Variants in CTNNA1 observed in about 807,000 individuals in gnomAD.
CTNNA1 encodes the protein catenin alpha-1.
Under a neutral mutation model 98.4 loss-of-function variants are expected in CTNNA1, and 37 were observed. The observed-to-expected ratio is 0.38, with a 90% CI of 0.29 to 0.49. The LOEUF is 0.49. Ranked by LOEUF, CTNNA1 falls within the 20% of genes least tolerant of loss-of-function variation. CTNNA1 has a pLI of 0.95. For synonymous variants in CTNNA1, 404 were observed against 413.2 expected, an observed-to-expected ratio of 0.98 and a Z score of 0.27; for missense variants, 761 against 1,147.2, an observed-to-expected ratio of 0.66 and a Z score of 4.86.
At chr5:138,817,217 C>G (rs1000767373) in intron 5 of CTNNA1, among the ~76,000 whole-genome samples, 1 of 152,150 alleles carries the variant, frequency 6.6e-6, no homozygotes, top group Admixed American at 6.5e-5. Context: ...ATATAACATT[C>G]CATTTTTTCC....
chr5:138,887,435 T>C, intron 8 of CTNNA1, 55 bp from the exon 9 acceptor site: 1 of 1,331,648 alleles, frequency 7.5e-7, no homozygotes, highest in South Asian at 1.4e-5. Context: ...AAAAGCAATC[T>C]ATTTAATACC....
chr5:138,757,552 C>G (rs1043029847), intron 1 of CTNNA1, among the ~76,000 whole-genome samples: 1 of 152,134 alleles, frequency 6.6e-6, no homozygotes, highest in African/African-American at 2.4e-5. Context: ...CCCAACATAA[C>G]CTTTCATGAT....
chr5:138,894,641 C>CTGATTA (rs111801577), intron 9 of CTNNA1, among the ~76,000 whole-genome samples: 6,142 of 150,854 alleles, frequency 0.041, 141 homozygotes, highest in Middle Eastern at 0.062. Context: ...TAGCAGCCTC[C>CTGATTA]TGATTATGAT....
intron 13 of CTNNA1, among the ~76,000 whole-genome samples, chr5:138,927,582 CT>C (rs2150313631): frequency 6.6e-6 from 1 of 151,908 alleles, no homozygotes; most frequent in Non-Finnish European, 1.5e-5. Flanking sequence ...GCACTGGTCA[CT>C]TTTGATGTGT....
At chr5:138,881,229 A>T in intron 7 of CTNNA1, 1 of 402,294 alleles carries the variant, frequency 2.5e-6, no homozygotes, top group South Asian at 1.8e-5. Context: ...GTAATTTAAG[A>T]AGAGGGCATT....
At chr5:138,866,327 TTTTG>T (rs922892756) in intron 7 of CTNNA1, among the ~76,000 whole-genome samples, 4 of 145,650 alleles carry the variant, frequency 2.7e-5, no homozygotes, top group African/African-American at 1.0e-4. Flanking sequence ...TATTTATTTA[TTTTG>T]GTACAAATAC....
Position 138,873,044 on chromosome 5 carries a change from C to T in CTNNA1, c.1063-13168C>T, listed in dbSNP as rs758462898. On this transcript the variant is annotated intron_variant, in intron 7 of 17. Transcript: ENST00000302763. This position sits in a 1 kb window ranked among gnomAD's most constrained non-coding sequence, Gnocchi z 6.1. ...ACATTCTTTGTATGGCAGCTGCTGA[C>T]ACTTGCACTGTCCATAACCATTAAT... 1 of 1,612,300 alleles carries T rather than the reference C, an allele frequency of 6.2e-7. No individual in the cohort carries two copies. The highest frequency in any genetic ancestry group is 8.5e-7 in the Non-Finnish European group (1 of 1,179,222).
chr5:138,778,158 T>TC (rs1169897590), intron 1 of CTNNA1, among the ~76,000 whole-genome samples: 1 of 80,962 alleles, frequency 1.2e-5, no homozygotes, highest in Non-Finnish European at 2.9e-5. Flanking sequence ...CACGCCCGGC[T>TC]AATTTTTTGG....
chr5:138,813,442 A>T (rs1281773121), intron 5 of CTNNA1, among the ~76,000 whole-genome samples: 2 of 152,186 alleles, frequency 1.3e-5, no homozygotes, highest in Admixed American at 1.3e-4. Flanking sequence ...AATAATCCAG[A>T]TCCACCTTCT....
At position 138,873,250 on chromosome 5, in the gene CTNNA1, A is replaced by C. The variant is rs754512980; in HGVS notation, c.1063-12962A>C. ...TCCTGGAGATGAACACTATAAAAAT[A>C]ATAAAAAAGAAAGAAAACAATAAAG... On this transcript the variant is annotated intron_variant, in intron 7 of 17. Coordinates refer to ENST00000302763, the MANE Select transcript of CTNNA1 (RefSeq NM_001903.5). This position sits in a 1 kb window ranked among gnomAD's most constrained non-coding sequence, Gnocchi z 6.1. 1.9e-5 allele frequency: 30 copies of C among 1,613,754 alleles called. No individual in the cohort carries two copies. Among genetic ancestry groups the C allele is most frequent in the Non-Finnish European group, 2.4e-5 (28 of 1,179,734 alleles).
chr5:138,784,877 CTCT>C (rs1281198555), intron 3 of CTNNA1, among the ~76,000 whole-genome samples: 4 of 151,982 alleles, frequency 2.6e-5, no homozygotes, highest in Non-Finnish European at 2.9e-5. Flanking sequence ...CCAAGTTTCC[CTCT>C]TCTTATAAGG....
At chr5:138,829,156 C>T (rs138358022) in intron 7 of CTNNA1, among the ~76,000 whole-genome samples, 134 of 151,862 alleles carry the variant, frequency 8.8e-4, no homozygotes, top group African/African-American at 3.2e-3. Flanking sequence ...AGGCAGTCTA[C>T]TTAAGAAAAA....
chr5:138,825,482 G>GTTTTTTTTTGTTTTTTTTTTTTTTTTT (rs1760586979), intron 6 of CTNNA1, among the ~76,000 whole-genome samples: 2 of 74,114 alleles, frequency 2.7e-5, no homozygotes, highest in African/African-American at 1.2e-4. Context: ...AGCAGTATAA[G>GTTTTTTTTTGTTTTTTTTTTTTTTTTT]TTTTTTTTTT....
intron 1 of CTNNA1, among the ~76,000 whole-genome samples, chr5:138,773,170 C>T (rs541917801): frequency 6.6e-6 from 1 of 152,184 alleles, no homozygotes; most frequent in Non-Finnish European, 1.5e-5. Flanking sequence ...AGCATCATTT[C>T]ATGATGTTCA....
At chr5:138,864,038 C>T (rs1764519700) in intron 7 of CTNNA1, among the ~76,000 whole-genome samples, 1 of 152,216 alleles carries the variant, frequency 6.6e-6, no homozygotes, top group Non-Finnish European at 1.5e-5. Context: ...TCTTGGCTTG[C>T]TGCAGCCTCC....
rs758909445 is a variant in CTNNA1, at chr5:138,824,757, T to TGGA, written c.827_829dup (p.Gly276dup). Reference sequence around the variant, plus strand: ...CAGACGATGCCTCACAGCACCAGGGTGGAGGAGGAGGAGAACTGGCATATG... The same window carrying TGGA: ...CAGACGATGCCTCACAGCACCAGGGTGGAGGAGGAGGAGGAGAACTGGCATATG... On this transcript the variant is annotated inframe_insertion, in exon 6 of 18. Transcript: ENST00000302763. The TGGA allele has an allele frequency of 1.9e-5, 31 of 1,613,948 alleles. No homozygotes were observed. The African/African-American group carries it at 3.1e-4, about 16-fold the overall frequency.
At chr5:138,877,196 C>T (rs911645824) in intron 7 of CTNNA1, among the ~76,000 whole-genome samples, 9 of 152,164 alleles carry the variant, frequency 5.9e-5, no homozygotes, top group African/African-American at 9.7e-5. Flanking sequence ...GGTTTAGACC[C>T]GGGGAATGCT....
chr5:138,927,710 T>TG (rs1554115115), intron 13 of CTNNA1, among the ~76,000 whole-genome samples: 2 of 151,058 alleles, frequency 1.3e-5, no homozygotes, highest in African/African-American at 2.4e-5. Flanking sequence ...GGCAGAGAGA[T>TG]AATGAATGAA....
intron 10 of CTNNA1, among the ~76,000 whole-genome samples, chr5:138,905,132 A>T (rs185523791): frequency 6.6e-6 from 1 of 151,986 alleles, no homozygotes; most frequent in Non-Finnish European, 1.5e-5. Flanking sequence ...ACATACATAA[A>T]TACAAAAATT....
Sources: gnomAD v4.1 joint callset for allele counts (sites outside exome capture counted in the v4.1 genomes callset) on GRCh38, gnomAD v4.1.1 for gene constraint, Gnocchi (gnomAD v3.1) non-coding constraint, MANE v1.5 for transcripts, NCBI Gene and HGNC (gene_info 2026-07-23, HGNC 2026-07-21) for gene names.